The following DNAH11 variants were observed in gnomAD, a reference collection of about 807,000 sequenced individuals.
DNAH11 encodes the protein dynein axonemal heavy chain 11, also known as axonemal beta dynein heavy chain 11.
Under a neutral mutation model 526.0 loss-of-function variants are expected in DNAH11, and 442 were observed. That is an observed-to-expected ratio of 0.84 (90% CI 0.78 to 0.91). The LOEUF (loss-of-function observed/expected upper bound fraction) is 0.91. Among genes scored for constraint, DNAH11 ranks in the 40% least tolerant of loss-of-function variants. DNAH11 has a pLI of 0.00. For synonymous variants in DNAH11, 2,461 were observed against 1,935.9 expected, an observed-to-expected ratio of 1.27 and a Z score of -7.12; for missense variants, 6,989 against 5,448.7, an observed-to-expected ratio of 1.28 and a Z score of -8.90.
At chr7:21,857,058 T>C (rs952593523) in intron 68 of DNAH11, among the ~76,000 whole-genome samples, 2 of 152,210 alleles carry the variant, frequency 1.3e-5, no homozygotes, top group African/African-American at 4.8e-5. Context: ...CCTGATTATG[T>C]ATATAGAAAA....
In DNAH11 at chr7:21,866,470, G is replaced by A. The variant is rs1428968679; in HGVS notation, c.11497G>A (p.Ala3833Thr). ...LTSQSWSAIK[A>T]IAVMEEFRGI... ...TACTTGTTTCCCTATCATATTACAG[G>A]CAATTGCCGTCATGGAAGAATTTCG... Residue 3833 changes from alanine (A) to threonine (T), a missense_variant and splice_region_variant, in exon 71 of 82, where the codon GCA becomes ACA. Physicochemically the swap from Ala to Thr is moderately conservative, Grantham distance 58. Transcript: ENST00000409508. 1 of 1,608,294 alleles carries A rather than the reference G, an allele frequency of 6.2e-7. No homozygotes were observed. The highest frequency in any genetic ancestry group is 1.7e-5 in the Admixed American group (1 of 58,778).
intron 68 of DNAH11, among the ~76,000 whole-genome samples, chr7:21,859,714 A>G (rs11764640): frequency 0.73 from 110,621 of 151,970 alleles, 42,052 homozygotes; most frequent in Non-Finnish European, 0.84. Context: ...GGCTATTTAT[A>G]TATATAGATA....
chr7:21,854,382 CA>C lies in DNAH11; in HGVS notation c.11131del (p.Arg3711GlufsTer23). The C allele has an allele frequency of 6.2e-7, 1 of 1,613,722 alleles. No homozygotes were observed. Among genetic ancestry groups the C allele is most frequent in the Non-Finnish European group, 8.5e-7 (1 of 1,179,766 alleles). Reference sequence around the variant, plus strand: ...CGAGAATGTTACAGACCAGTGGCAGCAAGAGCATCTCTTCTTTATTTTGTTA... The same window carrying C: ...CGAGAATGTTACAGACCAGTGGCAGCAGAGCATCTCTTCTTTATTTTGTTA... The part of the protein sequence containing the change: ...EARECYRPVA[A>X]RASLLYFVIN... On this transcript the variant is annotated frameshift_variant, in exon 68 of 82. Coordinates refer to ENST00000409508, the MANE Select transcript of DNAH11 (RefSeq NM_001277115.2). LOFTEE classifies it high-confidence loss of function.
At chr7:21,623,046 A>G (rs1229829167) in intron 25 of DNAH11, among the ~76,000 whole-genome samples, 1 of 151,976 alleles carries the variant, frequency 6.6e-6, no homozygotes, top group East Asian at 1.9e-4. Flanking sequence ...ACAAAATGGG[A>G]GAAAATTTTC....
chr7:21,606,369 G>C, intron 18 of DNAH11, 57 bp from the exon 19 acceptor site: 1 of 1,324,588 alleles, frequency 7.5e-7, no homozygotes, highest in Non-Finnish European at 1.1e-6. Context: ...TAATCCTATA[G>C]GGTTGATTTG....
At chr7:21,600,408 T>C (rs1473703083) in intron 15 of DNAH11, among the ~76,000 whole-genome samples, 2 of 151,974 alleles carry the variant, frequency 1.3e-5, no homozygotes, top group South Asian at 2.1e-4. Context: ...CAGTGAGCTA[T>C]GATTAAGCCA....
rs375443125 is a variant in DNAH11, at chr7:21,587,583, G to A, written c.1711-481G>A. On this transcript the variant is annotated intron_variant, in intron 9 of 81. Coordinates refer to ENST00000409508, the MANE Select transcript of DNAH11 (RefSeq NM_001277115.2). ...TTGGGGGTGGCTGGGTCGTGTGGAT[G>A]TACCAGCGGCCATAGGCATGCAGTC... 7.2e-4 allele frequency among the ~76,000 whole-genome samples: 109 copies of A among 152,240 alleles called. 1 individual carries two copies. In the South Asian group the frequency reaches 0.02, roughly 28 times the overall value.
At chr7:21,893,183 C>G (rs1035015768) in intron 77 of DNAH11, among the ~76,000 whole-genome samples, 2 of 152,238 alleles carry the variant, frequency 1.3e-5, no homozygotes, top group African/African-American at 2.4e-5. Context: ...TCCATTCATA[C>G]TACCCATTTC....
intron 25 of DNAH11, among the ~76,000 whole-genome samples, chr7:21,628,148 AC>A: frequency 6.6e-6 from 1 of 152,008 alleles, no homozygotes; most frequent in South Asian, 2.1e-4. Context: ...GTATTCTGCA[AC>A]TTGCGTAAAC....
At chr7:21,736,460 TG>T (rs1350698319) in intron 46 of DNAH11, among the ~76,000 whole-genome samples, 6 of 152,092 alleles carry the variant, frequency 3.9e-5, no homozygotes, top group Non-Finnish European at 8.8e-5. Flanking sequence ...GGGGCTCTGT[TG>T]GGGGGCAACC....
chr7:21,575,831 A>T (rs904793754), intron 8 of DNAH11, among the ~76,000 whole-genome samples: 2 of 152,188 alleles, frequency 1.3e-5, no homozygotes, highest in Non-Finnish European at 2.9e-5. Context: ...CCTTGCTTTT[A>T]TCCCTTACTA....
intron 48 of DNAH11, among the ~76,000 whole-genome samples, chr7:21,740,892 C>CTGTTT (rs1309666426): frequency 5.3e-5 from 8 of 152,112 alleles, no homozygotes; most frequent in Non-Finnish European, 1.2e-4. Context: ...TATTTATTTG[C>CTGTTT]TGTTTTGTTT....
intron 28 of DNAH11, among the ~76,000 whole-genome samples, chr7:21,654,920 C>T (rs540317993): frequency 9.2e-5 from 14 of 152,242 alleles, no homozygotes; most frequent in East Asian, 5.8e-4. Context: ...AGGATTGTTC[C>T]GGTCTGTGCT....
intron 8 of DNAH11, among the ~76,000 whole-genome samples, chr7:21,572,298 A>G (rs1425328522): frequency 6.6e-6 from 1 of 152,174 alleles, no homozygotes; most frequent in Non-Finnish European, 1.5e-5. Flanking sequence ...GCTTTATTTT[A>G]GCATTTTCTT....
chr7:21,744,567 AGAATGCTG>A lies in DNAH11; in HGVS notation c.8288_8295del (p.Met2763AsnfsTer4). The A allele has an allele frequency of 6.2e-7, 1 of 1,613,636 alleles. No individual in the cohort carries two copies. The highest frequency in any genetic ancestry group is 8.5e-7 in the Non-Finnish European group (1 of 1,179,784). On this transcript the variant is annotated frameshift_variant, in exon 50 of 82. Coordinates refer to ENST00000409508, the MANE Select transcript of DNAH11 (RefSeq NM_001277115.2). LOFTEE classifies it high-confidence loss of function. Reference sequence around the variant, plus strand: ...AAAAGATTGTGATTTGTTTCAGAGAAGAATGCTGGAAACTGCTTATAAATATTTTGAAG... The same window carrying A: ...AAAAGATTGTGATTTGTTTCAGAGAAGAAACTGCTTATAAATATTTTGAAG...
intron 74 of DNAH11, among the ~76,000 whole-genome samples, chr7:21,880,458 T>C (rs2128042097): frequency 1.3e-5 from 2 of 152,368 alleles, no homozygotes; most frequent in Admixed American, 1.3e-4. Context: ...TCTCATTTTC[T>C]AGTGAACTTA....
chr7:21,692,745 A>G (rs1210166209), intron 35 of DNAH11, among the ~76,000 whole-genome samples: 1 of 152,246 alleles, frequency 6.6e-6, no homozygotes. Context: ...AGAATCTGCC[A>G]GTCTGGTTTC....
Position 21,591,159 on chromosome 7 carries a change from T to G in DNAH11, c.2275-26T>G. ...AAAATAGCTAACATATTTGGCACTT[T>G]TTGTTTTGGGGTTTTCTTTGCTCAG... On this transcript the variant is annotated intron_variant, in intron 13 of 81. Coordinates refer to ENST00000409508, the MANE Select transcript of DNAH11 (RefSeq NM_001277115.2). 2.0e-6 allele frequency: 3 copies of G among 1,521,266 alleles called. No individual in the cohort carries two copies. The South Asian group carries it at 4.3e-5, about 22-fold the overall frequency. The allele number at this position is 1,521,266 out of a possible 1,614,324, so 94.2% of individuals were successfully genotyped here.
At chr7:21,568,539 C>T (rs1229699737) in intron 6 of DNAH11, among the ~76,000 whole-genome samples, 1 of 152,112 alleles carries the variant, frequency 6.6e-6, no homozygotes, top group Admixed American at 6.6e-5. Flanking sequence ...TTCTGCCTCC[C>T]CGTGCAAGGA....
Sources: gnomAD v4.1 joint callset for allele counts (sites outside exome capture counted in the v4.1 genomes callset) on GRCh38, gnomAD v4.1.1 for gene constraint, MANE v1.5 for transcripts, NCBI Gene and HGNC (gene_info 2026-07-23, HGNC 2026-07-21) for gene names.